DTD1: variants seen among roughly 807,000 people sequenced by gnomAD.
DTD1 encodes D-aminoacyl-tRNA deacylase 1, also known as D-tyrosyl-tRNA deacylase 1 homolog.
In DTD1, 13 loss-of-function variants were observed where a neutral mutation model predicts 25.6. That is an observed-to-expected ratio of 0.51 (90% CI 0.33 to 0.81). The LOEUF is 0.81. Ranked by LOEUF, DTD1 falls within the 30% of genes least tolerant of loss-of-function variation. The probability of loss-of-function intolerance (pLI) is 0.02; values close to 1 mark genes in which losing one functional copy is unlikely to be tolerated. For missense variants in DTD1, 193 were observed against 266.4 expected (o/e 0.72, Z 1.92); for synonymous variants, 110 against 103.6 (o/e 1.06, Z -0.37).
At chr20:18,760,839 T>G (rs2061358670) in intron 5 of DTD1, among the ~76,000 whole-genome samples, 1 of 152,084 alleles carries the variant, frequency 6.6e-6, no homozygotes, top group African/African-American at 2.4e-5. Flanking sequence ...AGAGGTGGAG[T>G]CTACAGAGGC....
At position 18,744,278 on chromosome 20, in the gene DTD1, G is replaced by A; in HGVS notation, c.*19+7G>A. On this transcript the variant is annotated splice_region_variant and intron_variant, in intron 5 of 5. Transcript: ENST00000377452. Reference sequence around the variant, plus strand: ...CTCAGGAGGCAGAATTCAGGTAGGAGTTTCCCTGCTTGGCTTCATCTTCCC... The same window carrying A: ...CTCAGGAGGCAGAATTCAGGTAGGAATTTCCCTGCTTGGCTTCATCTTCCC... The A allele has an allele frequency of 1.2e-6, 2 of 1,609,396 alleles. No individual in the cohort carries two copies. The highest frequency in any genetic ancestry group is 2.7e-5 in the African/African-American group (2 of 74,794).
rs572905962 is a variant in DTD1, at chr20:18,591,791, G to A, written c.44-1940G>A. Among the ~76,000 whole-genome samples, 23 of 152,166 alleles carry A rather than the reference G, an allele frequency of 1.5e-4. 2 individuals are homozygous for A. In the Middle Eastern group the frequency reaches 0.014, roughly 90 times the overall value. ...TATTCAAAGAACAAATAAAGCCAAA[G>A]GCTTTTTCTGAAGCAATGCAAATGA... On this transcript the variant is annotated intron_variant, in intron 1 of 5. Coordinates refer to ENST00000377452, the MANE Select transcript of DTD1 (RefSeq NM_080820.6).
chr20:18,733,567 A>G (rs924334041), intron 4 of DTD1, among the ~76,000 whole-genome samples: 1 of 152,244 alleles, frequency 6.6e-6, no homozygotes. Flanking sequence ...TGAAGGCTGG[A>G]GGTGTTCCAC....
chr20:18,610,104 A>G (rs1000371965), intron 3 of DTD1, among the ~76,000 whole-genome samples: 2 of 152,238 alleles, frequency 1.3e-5, no homozygotes, highest in African/African-American at 4.8e-5. Context: ...GATGAAAGTA[A>G]GGAATATCAG....
Position 18,717,141 on chromosome 20 carries a change from A to G in DTD1, c.478-26959A>G, listed in dbSNP as rs552641275. ...TAAACACAGTGAAAAATACACAAGAACCAGGAGAGATCACTTTTTACTGCA... is the reference window on the plus strand; with the variant it reads ...TAAACACAGTGAAAAATACACAAGAGCCAGGAGAGATCACTTTTTACTGCA... On this transcript the variant is annotated intron_variant, in intron 4 of 5. Transcript: ENST00000377452. Among the ~76,000 whole-genome samples the G allele has an allele frequency of 2.6e-5, 4 of 152,354 alleles. No homozygotes were observed. The South Asian group carries it at 8.3e-4, about 32-fold the overall frequency.
intron 5 of DTD1, among the ~76,000 whole-genome samples, chr20:18,756,553 C>G (rs2061340104): frequency 6.6e-6 from 1 of 152,110 alleles, no homozygotes; most frequent in Admixed American, 6.5e-5. Flanking sequence ...TTGTTTTTGT[C>G]AGTTTTGTCA....
intron 4 of DTD1, among the ~76,000 whole-genome samples, chr20:18,660,880 G>A (rs758062931): frequency 2.6e-5 from 4 of 152,100 alleles, no homozygotes; most frequent in Non-Finnish European, 4.4e-5. Flanking sequence ...CCCCTCACCC[G>A]GTTTCTCCTA....
At chr20:18,728,342 C>T (rs1200523726) in intron 4 of DTD1, among the ~76,000 whole-genome samples, 1 of 152,212 alleles carries the variant, frequency 6.6e-6, no homozygotes, top group Non-Finnish European at 1.5e-5. Context: ...ATCTTCAAAG[C>T]CACTCGAACT....
In DTD1 at chr20:18,766,165, A is replaced by G. The variant is rs62218283; in HGVS notation, c.*2825A>G. 17,981 of 152,248 alleles carry G rather than the reference A, an allele frequency of 0.12. 1,428 individuals are homozygous for G. The highest frequency in any genetic ancestry group is 0.18 in the Non-Finnish European group (12,201 of 67,990). The allele number at this position is 152,248 out of a possible 1,614,324, so 9.4% of individuals were successfully genotyped here. A position where few individuals can be genotyped will look rare whatever the true frequency, so the allele number is the denominator to read the frequency against. ...CAGATGGGTGCCAGCTGGCATATAT[A>G]TGGACAATTTGGCATTTCATTGATT... On this transcript the variant is annotated 3_prime_UTR_variant, in exon 6 of 6. Coordinates refer to ENST00000377452, the MANE Select transcript of DTD1 (RefSeq NM_080820.6).
intron 4 of DTD1, among the ~76,000 whole-genome samples, chr20:18,699,531 G>A (rs1196577364): frequency 5.3e-5 from 8 of 152,322 alleles, no homozygotes; most frequent in Non-Finnish European, 8.8e-5. Flanking sequence ...GATCTCCCGC[G>A]TTGAGGCAAG....
rs1056797110 is a variant in DTD1, at chr20:18,697,186, C to G, written c.478-46914C>G. ...GGCGGAGCTTGCAGTGAGTGGAGAT[C>G]CCGCCACTGCACTCCAGTCTGGGCG... On this transcript the variant is annotated intron_variant, in intron 4 of 5. Coordinates refer to ENST00000377452, the MANE Select transcript of DTD1 (RefSeq NM_080820.6). Among the ~76,000 whole-genome samples, 4 of 151,064 alleles carry G rather than the reference C, an allele frequency of 2.6e-5. No homozygotes were observed. In the South Asian group the frequency reaches 8.4e-4, roughly 32 times the overall value.
intron 4 of DTD1, 109 bp downstream of exon 4, chr20:18,628,342 T>G: frequency 1.2e-6 from 1 of 818,934 alleles, no homozygotes; most frequent in African/African-American, 1.7e-5. Flanking sequence ...TGCAACGTTG[T>G]ATTTATTTTA....
chr20:18,667,582 C>T (rs1041743266), intron 4 of DTD1, among the ~76,000 whole-genome samples: 1 of 152,150 alleles, frequency 6.6e-6, no homozygotes, highest in East Asian at 1.9e-4. Context: ...TGGCATACAG[C>T]GGGTGTTTTT....
At chr20:18,664,532 T>C (rs2060924160) in intron 4 of DTD1, among the ~76,000 whole-genome samples, 1 of 152,188 alleles carries the variant, frequency 6.6e-6, no homozygotes, top group Non-Finnish European at 1.5e-5. Flanking sequence ...TTCAAGATTC[T>C]GCGGTGATGC....
intron 5 of DTD1, among the ~76,000 whole-genome samples, chr20:18,752,362 T>C (rs2061324201): frequency 6.6e-6 from 1 of 152,184 alleles, no homozygotes; most frequent in African/African-American, 2.4e-5. Context: ...TCTTGGATAG[T>C]CTGTTCTTTT....
At chr20:18,728,910 T>C (rs2061231342) in intron 4 of DTD1, among the ~76,000 whole-genome samples, 1 of 152,252 alleles carries the variant, frequency 6.6e-6, no homozygotes, top group African/African-American at 2.4e-5. Flanking sequence ...TGACAATTCC[T>C]GACAGCATCC....
intron 4 of DTD1, among the ~76,000 whole-genome samples, chr20:18,699,158 T>A (rs568474658): frequency 6.6e-6 from 1 of 152,298 alleles, no homozygotes; most frequent in East Asian, 1.9e-4. Context: ...GGGCTCTTAT[T>A]TAATAGCCTG....
chr20:18,648,280 T>G (rs957142733), intron 4 of DTD1, among the ~76,000 whole-genome samples: 3 of 152,180 alleles, frequency 2.0e-5, no homozygotes, highest in Non-Finnish European at 2.9e-5. Context: ...CAACCTTGAA[T>G]GTGCATTAGA....
chr20:18,645,850 C>T (rs986252143), intron 4 of DTD1, among the ~76,000 whole-genome samples: 19 of 152,116 alleles, frequency 1.2e-4, no homozygotes, highest in African/African-American at 2.4e-4. Context: ...TATTTAAAGG[C>T]GCTAAAAATG....
Sources: gnomAD v4.1 joint callset for allele counts (sites outside exome capture counted in the v4.1 genomes callset) on GRCh38, gnomAD v4.1.1 for gene constraint, MANE v1.5 for transcripts, NCBI Gene and HGNC (gene_info 2026-07-23, HGNC 2026-07-21) for gene names.